The following PTPRD variants were observed in gnomAD, a reference collection of about 807,000 sequenced individuals.
PTPRD encodes the protein receptor-type tyrosine-protein phosphatase delta.
PTPRD carries 34 observed loss-of-function variants against 214.5 expected under a neutral mutation model. That is an observed-to-expected ratio of 0.16 (90% confidence interval 0.12 to 0.21). The LOEUF is 0.21. Among genes scored for constraint, PTPRD ranks in the 10% least tolerant of loss-of-function variants. The pLI is 1.00. For synonymous variants in PTPRD, 1,128 were observed against 845.7 expected (o/e 1.33, Z -5.79); for missense variants, 2,545 against 2,398.7 (o/e 1.06, Z -1.27).
At chr9:10,444,291 T>A (rs762027508) in intron 2 of PTPRD, among the ~76,000 whole-genome samples, 21 of 151,826 alleles carry the variant, frequency 1.4e-4, no homozygotes, top group Non-Finnish European at 2.7e-4. Context: ...ATAGACAATA[T>A]CTAAATTTTA....
intron 7 of PTPRD, among the ~76,000 whole-genome samples, chr9:9,689,798 T>A (rs1395308857): frequency 6.6e-6 from 1 of 151,926 alleles, no homozygotes; most frequent in East Asian, 1.9e-4. Context: ...TCCGTAGACG[T>A]TGCTGCAAAT....
chr9:9,320,501 G>C (rs1317262134), intron 9 of PTPRD, among the ~76,000 whole-genome samples: 1 of 152,034 alleles, frequency 6.6e-6, no homozygotes, highest in East Asian at 1.9e-4. Flanking sequence ...TAAATGATTG[G>C]GGAGTCCTCC....
At chr9:8,603,706 G>A (rs2095023256) in intron 14 of PTPRD, among the ~76,000 whole-genome samples, 2 of 152,100 alleles carry the variant, frequency 1.3e-5, no homozygotes, top group Admixed American at 6.6e-5. Flanking sequence ...AAAAGTACAT[G>A]TCCTAACTCT....
rs536095031 is a variant in PTPRD at position 8,735,401 on chromosome 9, C to T, written c.-103-1455G>A. Among the ~76,000 whole-genome samples the T allele has an allele frequency of 2.0e-5, 3 of 152,096 alleles. No homozygotes were observed. The East Asian group carries it at 5.9e-4, about 30-fold the overall frequency. On this transcript the variant is annotated intron_variant, in intron 11 of 45. Coordinates refer to ENST00000381196, the MANE Select transcript of PTPRD (RefSeq NM_002839.4). ...TCAAGTGATCTGCCTGCCTCAGCCT[C>T]CCAAAGTGCTAGGATTACAGGGATG... is the stretch of plus-strand genomic sequence containing the variant.
intron 39 of PTPRD, among the ~76,000 whole-genome samples, chr9:8,372,781 T>TG (rs1283257711): frequency 6.6e-6 from 1 of 152,048 alleles, no homozygotes; most frequent in Non-Finnish European, 1.5e-5. Context: ...TTTTACTTAA[T>TG]GGCTCATTTT....
intron 5 of PTPRD, among the ~76,000 whole-genome samples, chr9:9,899,761 A>C (rs188964101): frequency 1.4e-3 from 218 of 152,264 alleles, no homozygotes; most frequent in Non-Finnish European, 2.3e-3. Context: ...CATTTTGGTT[A>C]CAGCACTATT....
At chr9:8,745,380 G>C (rs1367001903) in intron 11 of PTPRD, among the ~76,000 whole-genome samples, 1 of 152,176 alleles carries the variant, frequency 6.6e-6, no homozygotes, top group African/African-American at 2.4e-5. Context: ...TAAAGAAAAA[G>C]TCCCTCCTTT....
intron 2 of PTPRD, among the ~76,000 whole-genome samples, chr9:10,383,749 G>A (rs1487257364): frequency 6.6e-6 from 1 of 151,664 alleles, no homozygotes; most frequent in African/African-American, 2.4e-5. Context: ...TCATCCTATA[G>A]ACTTCAAAAG....
chr9:9,662,672 C>T (rs901343821), intron 7 of PTPRD, among the ~76,000 whole-genome samples: 14 of 151,482 alleles, frequency 9.2e-5, no homozygotes, highest in Admixed American at 5.3e-4. Flanking sequence ...AAGTAAGATT[C>T]CTAAAAGACA....
chr9:9,132,153 G>A (rs1323529194), intron 10 of PTPRD, among the ~76,000 whole-genome samples: 1 of 152,104 alleles, frequency 6.6e-6, no homozygotes, highest in East Asian at 1.9e-4. Flanking sequence ...GGCTACAGGC[G>A]CCCGCCACCA....
intron 9 of PTPRD, among the ~76,000 whole-genome samples, chr9:9,332,983 A>C (rs903389301): frequency 3.3e-5 from 5 of 152,040 alleles, no homozygotes; most frequent in African/African-American, 1.2e-4. Flanking sequence ...AGTGATTGTT[A>C]GATATTTTTG....
chr9:9,522,973 C>A (rs1431243768), intron 8 of PTPRD, among the ~76,000 whole-genome samples: 1 of 152,140 alleles, frequency 6.6e-6, no homozygotes, highest in African/African-American at 2.4e-5. Flanking sequence ...GACCATCTAT[C>A]TATGGAGGAG....
At chr9:10,156,684 T>A (rs2099095349) in intron 3 of PTPRD, among the ~76,000 whole-genome samples, 1 of 152,162 alleles carries the variant, frequency 6.6e-6, no homozygotes, top group Admixed American at 6.6e-5. Flanking sequence ...GTCCTCAATA[T>A]CTTTGTTAAT....
At chr9:9,263,709 A>C (rs956828013) in intron 9 of PTPRD, among the ~76,000 whole-genome samples, 2 of 151,698 alleles carry the variant, frequency 1.3e-5, no homozygotes, top group African/African-American at 4.8e-5. Context: ...AATATGAAAA[A>C]CAAATACTGC....
chr9:10,184,924 A>G (rs868458177), intron 3 of PTPRD, among the ~76,000 whole-genome samples: 1 of 152,220 alleles, frequency 6.6e-6, no homozygotes. Context: ...GACTTAAAGC[A>G]CATGTAATAA....
chr9:8,375,800 C>T, intron 39 of PTPRD, 136 bp downstream of exon 39: 1 of 1,022,796 alleles, frequency 9.8e-7, no homozygotes. Context: ...TAGCATAGGC[C>T]TCATTTGACC....
At chr9:9,035,758 T>A (rs1281060668) in intron 10 of PTPRD, among the ~76,000 whole-genome samples, 1 of 152,154 alleles carries the variant, frequency 6.6e-6, no homozygotes, top group Non-Finnish European at 1.5e-5. Flanking sequence ...GGGTGTGATT[T>A]TTTTTTTCTT....
chr9:9,511,907 G>T (rs543916243), intron 8 of PTPRD, among the ~76,000 whole-genome samples: 6 of 151,608 alleles, frequency 4.0e-5, no homozygotes, highest in African/African-American at 1.5e-4. Flanking sequence ...TTTCATAGAA[G>T]ACCTAAAACT....
At chr9:10,418,375 A>C (rs915022943) in intron 2 of PTPRD, among the ~76,000 whole-genome samples, 1 of 150,792 alleles carries the variant, frequency 6.6e-6, no homozygotes, top group African/African-American at 2.4e-5. Flanking sequence ...AACAGAAAGT[A>C]GGATTCCATT....
Sources: allele counts gnomAD v4.1 joint callset (sites outside exome capture counted in the v4.1 genomes callset), GRCh38; gene constraint gnomAD v4.1.1; transcripts MANE v1.5; gene names NCBI Gene and HGNC (gene_info 2026-07-23, HGNC 2026-07-21).